Variants in MYO9B observed in about 807,000 individuals in gnomAD.
The protein encoded by MYO9B is unconventional myosin-IXb.
A neutral mutation model predicts 229.5 loss-of-function variants in MYO9B; 71 were observed. The ratio of observed to expected loss-of-function variants is 0.31; its 90% confidence interval spans 0.26 to 0.38. The LOEUF (loss-of-function observed/expected upper bound fraction) is 0.38, where lower values mean the gene tolerates loss of function less well. Among genes scored for constraint, MYO9B ranks in the 10% least tolerant of loss-of-function variants. MYO9B has a pLI of 1.00. For synonymous variants in MYO9B, 1,185 were observed against 1,235.8 expected, an observed-to-expected ratio of 0.96 and a Z score of 0.86; for missense variants, 2,255 against 2,920.5, an observed-to-expected ratio of 0.77 and a Z score of 5.25.
intron 38 of MYO9B, 36 bp downstream of exon 38, chr19:17,210,884 T>C: frequency 6.4e-7 from 1 of 1,570,934 alleles, no homozygotes; most frequent in Non-Finnish European, 8.6e-7. Context: ...GTCCTTCATG[T>C]TTAGGGCAAG....
chr19:17,211,985 C>G lies in MYO9B; in HGVS notation c.6149C>G (p.Ser2050Cys), dbSNP rs531101989. The G allele has an allele frequency of 4.1e-6, 6 of 1,451,056 alleles. No homozygotes were observed. The African/African-American group carries it at 8.7e-5, about 21-fold the overall frequency. 89.9% of individuals were successfully genotyped at this position (1,451,056 alleles called of 1,614,324 possible). ...GCCCCTCCACGACGAAGGCCGTCGT[C>G]CTTCGTAACGGTCAGAGTGAAGACC... The part of the protein sequence containing the change: ...VAAPPRRRPS[S>C]FVTVRVKTPR... The change falls in exon 40 of 40, where the codon TCC becomes TGC. Residue 2050 changes from serine to cysteine, a missense_variant. By Grantham distance (112) the Ser-to-Cys change is moderately radical. Coordinates refer to ENST00000682292, the MANE Select transcript of MYO9B (RefSeq NM_004145.4).
At chr19:17,100,958 G>A (rs1247001400) in intron 1 of MYO9B, among the ~76,000 whole-genome samples, 1 of 151,094 alleles carries the variant, frequency 6.6e-6, no homozygotes. Context: ...CTGTGGGGCC[G>A]AGTCGTCTTC....
At chr19:17,179,516 T>G (rs2072831668) in intron 14 of MYO9B, among the ~76,000 whole-genome samples, 1 of 141,036 alleles carries the variant, frequency 7.1e-6, no homozygotes, top group Admixed American at 7.5e-5. Context: ...AACCTCTGCC[T>G]CCCAGGTTCA....
Position 17,090,118 on chromosome 19 carries a change from C to CTTTTTTTTTTTT in MYO9B, c.-58-11510_-58-11499dup, listed in dbSNP as rs59440394. ...TATAGCATGAATCGGTGCTTCCTTC[C>CTTTTTTTTTTTT]TTTTTTTTTTTTTTTTTTTTTTTTT... On this transcript the variant is annotated intron_variant, in intron 1 of 39. Coordinates refer to ENST00000682292, the MANE Select transcript of MYO9B (RefSeq NM_004145.4). Among the ~76,000 whole-genome samples, 22 of 49,236 alleles carry CTTTTTTTTTTTT rather than the reference C, an allele frequency of 4.5e-4. 7 individuals carry two copies. The highest frequency in any genetic ancestry group is 8.7e-4 in the South Asian group (1 of 1,150). 32.3% of individuals were successfully genotyped at this position (49,236 alleles called of 152,430 possible).
intron 2 of MYO9B, among the ~76,000 whole-genome samples, chr19:17,125,291 A>ACC (rs1329045027): frequency 9.5e-6 from 1 of 105,574 alleles, no homozygotes; most frequent in African/African-American, 4.3e-5. Context: ...ACAGAGTAAA[A>ACC]CCCCATCCCC....
At chr19:17,205,928 C>A in intron 31 of MYO9B, 32 bp from the exon 32 acceptor site, 2 of 1,532,464 alleles carry the variant, frequency 1.3e-6, no homozygotes, top group Non-Finnish European at 1.8e-6. Context: ...GACAGCCAGG[C>A]CCAGACCTGA....
intron 10 of MYO9B, among the ~76,000 whole-genome samples, chr19:17,166,713 C>G (rs1171150469): frequency 6.6e-6 from 1 of 152,058 alleles, no homozygotes; most frequent in Non-Finnish European, 1.5e-5. Flanking sequence ...TCCATGTGTT[C>G]TCATCATTTG....
Position 17,102,096 on chromosome 19 carries a change from G to A in MYO9B, c.379G>A (p.Ala127Thr), listed in dbSNP as rs1281737491. Residue 127 changes from alanine to threonine, a missense_variant, in exon 2 of 40, where the codon GCG (alanine) becomes ACG (threonine). By Grantham distance (58) the Ala-to-Thr change is moderately conservative (BLOSUM62 0). This residue lies in a region of MYO9B where 386 missense variants were observed against 515.2 expected (regional missense o/e 0.75). Coordinates refer to ENST00000682292, the MANE Select transcript of MYO9B (RefSeq NM_004145.4). ...CAAGTACGTGCATATGCAGCTGGTG[G>A]CGCAGGCCACAGCCACCCGGCGCCT... The part of the protein sequence containing the change: ...TIKYVHMQLV[A>T]QATATRRLVE... The A allele has an allele frequency of 1.9e-6, 3 of 1,612,978 alleles. No individual in the cohort carries two copies. The highest frequency in any genetic ancestry group is 2.7e-5 in the African/African-American group (2 of 74,938).
intron 2 of MYO9B, among the ~76,000 whole-genome samples, chr19:17,112,959 G>A (rs1327446802): frequency 1.3e-5 from 2 of 152,226 alleles, no homozygotes; most frequent in South Asian, 2.1e-4. Flanking sequence ...TCAGGGCATA[G>A]GCCACAGACC....
chr19:17,165,661 G>A (rs557356571), intron 10 of MYO9B, among the ~76,000 whole-genome samples: 1 of 152,120 alleles, frequency 6.6e-6, no homozygotes, highest in Non-Finnish European at 1.5e-5. Flanking sequence ...TGTAGTCCTA[G>A]CTACTGGGGA....
In MYO9B at chr19:17,195,334, G is replaced by A. The variant is rs552998341; in HGVS notation, c.3907G>A (p.Ala1303Thr). Residue 1303 changes from alanine (A) to threonine (T), a missense_variant, in exon 22 of 40, where the codon GCC (alanine) becomes ACC (threonine). Coordinates refer to ENST00000682292, the MANE Select transcript of MYO9B (RefSeq NM_004145.4). The surrounding 1 kb of genome is among the most constrained non-coding windows in gnomAD (Gnocchi z 4.5). ...GSTQIQRYLD[A>T]ERLASAVELW... ...CACGCAGATCCAGCGGTACCTGGAC[G>A]CCGAGCGGCTGGCCAGCGCCGTGGA... 2.2e-5 allele frequency: 35 copies of A among 1,612,556 alleles called. No individual in the cohort carries two copies. Among genetic ancestry groups the A allele is most frequent in the South Asian group, 1.5e-4 (14 of 91,078 alleles).
chr19:17,210,986 T>C (rs2073221916), intron 38 of MYO9B, 138 bp downstream of exon 38: 155 of 952,492 alleles, frequency 1.6e-4, no homozygotes, highest in Middle Eastern at 3.4e-4. Context: ...ACTTTTTTTT[T>C]TTTTTTTTTT....
At chr19:17,149,491 C>T (rs1422967906) in intron 3 of MYO9B, among the ~76,000 whole-genome samples, 6 of 152,194 alleles carry the variant, frequency 3.9e-5, no homozygotes, top group Non-Finnish European at 8.8e-5. Context: ...GTATCTGTGG[C>T]CTTGGATTCA....
intron 17 of MYO9B, among the ~76,000 whole-genome samples, chr19:17,185,197 A>G (rs1015927963): frequency 6.6e-6 from 1 of 152,006 alleles, no homozygotes; most frequent in African/African-American, 2.4e-5. Flanking sequence ...AACACGGTGA[A>G]ACCCCACCTC....
In MYO9B at chr19:17,172,672, C is replaced by A; in HGVS notation, c.1936-87C>A. The A allele has an allele frequency of 6.5e-7, 1 of 1,533,248 alleles. No individual in the cohort carries two copies. The highest frequency in any genetic ancestry group is 9.0e-7 in the Non-Finnish European group (1 of 1,112,704). The allele number at this position is 1,533,248 out of a possible 1,614,324, so 95.0% of individuals were successfully genotyped here. ...CTTAGGATGGGCCCCACCCCACCGT[C>A]AGCCCTTCCTGCGCCAGCCCGGGGT... On this transcript the variant is annotated intron_variant, in intron 12 of 39. Transcript: ENST00000682292. The surrounding 1 kb of genome is among the most constrained non-coding windows in gnomAD (Gnocchi z 8.2).
rs2057741750 is a variant in MYO9B, at chr19:17,101,239, A to G, written c.-58-421A>G. 6.6e-6 allele frequency among the ~76,000 whole-genome samples: 1 copy of G among 151,694 alleles called. No homozygotes were observed. The highest frequency in any genetic ancestry group is 6.6e-5 in the Admixed American group (1 of 15,228). ...TCACCCAGGCTGGAGCACAGCTGGTATAATCATGGCTCACTGCAGCCTCGA... is the reference window on the plus strand; with the variant it reads ...TCACCCAGGCTGGAGCACAGCTGGTGTAATCATGGCTCACTGCAGCCTCGA... On this transcript the variant is annotated intron_variant, in intron 1 of 39. Transcript: ENST00000682292. This position sits in a 1 kb window ranked among gnomAD's most constrained non-coding sequence, Gnocchi z 4.7.
At chr19:17,096,705 GGT>G (rs2057695018) in intron 1 of MYO9B, among the ~76,000 whole-genome samples, 12 of 24,432 alleles carry the variant, frequency 4.9e-4, no homozygotes, top group African/African-American at 2.0e-3. Flanking sequence ...TGTTGTTGTT[GGT>G]TTTTTTTTTT....
chr19:17,130,764 C>G (rs2072186012), intron 2 of MYO9B, among the ~76,000 whole-genome samples: 1 of 146,400 alleles, frequency 6.8e-6, no homozygotes, highest in Admixed American at 6.8e-5. Flanking sequence ...CAGAGCAAGA[C>G]TTGGTCTCAA....
At position 17,162,624 on chromosome 19, in the gene MYO9B, C is replaced by T. The variant is rs371408078; in HGVS notation, c.1536+158C>T. ...CAGGCCCAGGAAACAGGACAGGCTA[C>T]GAAATTCAACAGGCCCAGGGCAGAA... On this transcript the variant is annotated intron_variant, in intron 9 of 39. Coordinates refer to ENST00000682292, the MANE Select transcript of MYO9B (RefSeq NM_004145.4). Among the ~76,000 whole-genome samples, 49 of 152,136 alleles carry T rather than the reference C, an allele frequency of 3.2e-4. No individual in the cohort carries two copies. In the East Asian group the frequency reaches 5.6e-3, roughly 17 times the overall value.
Sources: allele counts gnomAD v4.1 joint callset (sites outside exome capture counted in the v4.1 genomes callset), GRCh38; gene constraint gnomAD v4.1.1; regional missense constraint gnomAD v4.1.1; non-coding constraint Gnocchi (gnomAD v3.1); transcripts MANE v1.5; gene names NCBI Gene and HGNC (gene_info 2026-07-23, HGNC 2026-07-21).